Variants in MCM2 observed in about 807,000 individuals in gnomAD.
MCM2 encodes minichromosome maintenance complex component 2.
MCM2 carries 49 observed loss-of-function variants against 86.4 expected under a neutral mutation model. That is an observed-to-expected ratio of 0.57 (90% CI 0.45 to 0.72). The LOEUF is 0.72. Ranked by LOEUF, MCM2 falls within the 30% of genes least tolerant of loss-of-function variation. MCM2 has a pLI of 0.00. For missense variants in MCM2, 1,038 were observed against 1,259.9 expected, an observed-to-expected ratio of 0.82 and a Z score of 2.67; for synonymous variants, 475 against 484.6, an observed-to-expected ratio of 0.98 and a Z score of 0.26.
Position 127,606,452 on chromosome 3 carries a change from C to A in MCM2, c.893+115C>A. 1 of 1,210,344 alleles carries A rather than the reference C, an allele frequency of 8.3e-7. No individual in the cohort carries two copies. The highest frequency in any genetic ancestry group is 1.2e-6 in the Non-Finnish European group (1 of 848,820). The allele number at this position is 1,210,344 out of a possible 1,614,324, so 75.0% of individuals were successfully genotyped here. On this transcript the variant is annotated intron_variant, in intron 5 of 15. Coordinates refer to ENST00000265056, the MANE Select transcript of MCM2 (RefSeq NM_004526.4). This position sits in a 1 kb window ranked among gnomAD's most constrained non-coding sequence, Gnocchi z 4.2. ...GGGAGGGTGCAGCCAGCAGCATCCT[C>A]ATCGCAGGTGAGTTGTGGTTGCACA...
rs748361361 is a variant in MCM2 at position 127,617,371 on chromosome 3, T to C, written c.1866T>C (p.Ala622=). Residue 622 remains alanine, a synonymous_variant, in exon 11 of 16, where the codon GCT becomes GCC. Transcript: ENST00000265056. The surrounding 1 kb of genome is among the most constrained non-coding windows in gnomAD (Gnocchi z 4.1). ...CTGGCATCGTCACCTCCCTGCAGGC[T>C]CGCTGCACGGTCATTGCTGCCGCCA... The part of the protein sequence containing the change: ...SKAGIVTSLQ[A]RCTVIAAANP... 32 of 1,613,854 alleles carry C rather than the reference T, an allele frequency of 2.0e-5. No individual in the cohort carries two copies. In the South Asian group the frequency reaches 2.9e-4, roughly 14 times the overall value.
chr3:127,614,309 G>C (rs1442143509), intron 8 of MCM2, among the ~76,000 whole-genome samples: 1 of 151,856 alleles, frequency 6.6e-6, no homozygotes, highest in Non-Finnish European at 1.5e-5. Flanking sequence ...CACTTTAAGA[G>C]GTGATTAACA....
chr3:127,599,183 G>A, intron 1 of MCM2, 135 bp from the exon 2 acceptor site: 1 of 738,386 alleles, frequency 1.4e-6, no homozygotes, highest in Non-Finnish European at 2.4e-6. Flanking sequence ...TCTGGAGGCT[G>A]GAAGGGGTTT....
chr3:127,600,814 G>T (rs1349666942), intron 2 of MCM2, among the ~76,000 whole-genome samples: 1 of 150,932 alleles, frequency 6.6e-6, no homozygotes, highest in Non-Finnish European at 1.5e-5. Context: ...TTGGCAGGGG[G>T]CTTCTGGGTA....
At position 127,606,526 on chromosome 3, in the gene MCM2, C is replaced by T. The variant is rs1197414369; in HGVS notation, c.894-84C>T. 2.2e-6 allele frequency: 3 copies of T among 1,386,714 alleles called. No individual in the cohort carries two copies. The highest frequency in any genetic ancestry group is 1.4e-5 in the African/African-American group (1 of 70,306). 85.9% of individuals were successfully genotyped at this position (1,386,714 alleles called of 1,614,324 possible). On this transcript the variant is annotated intron_variant, in intron 5 of 15. Coordinates refer to ENST00000265056, the MANE Select transcript of MCM2 (RefSeq NM_004526.4). The surrounding 1 kb of genome is among the most constrained non-coding windows in gnomAD (Gnocchi z 4.2). ...CCGGGCTGGGGGCTGGGCCCAATTT[C>T]CAGGACAGTGTGTTGGGACACTCTC...
At chr3:127,612,749 G>A (rs1239421118) in intron 8 of MCM2, among the ~76,000 whole-genome samples, 1 of 152,192 alleles carries the variant, frequency 6.6e-6, no homozygotes, top group African/African-American at 2.4e-5. Context: ...CTCTATCCCT[G>A]TTTGCTGGGT....
At chr3:127,615,475 T>C (rs924833081) in intron 8 of MCM2, among the ~76,000 whole-genome samples, 1 of 152,188 alleles carries the variant, frequency 6.6e-6, no homozygotes, top group African/African-American at 2.4e-5. Context: ...TACCCACCCT[T>C]CTGTGAGTTG....
chr3:127,609,837 CTTTTTTTTTTTTTTTT>C (rs10716532), intron 8 of MCM2, among the ~76,000 whole-genome samples: 1 of 69,086 alleles, frequency 1.4e-5, no homozygotes, highest in Non-Finnish European at 2.7e-5. Context: ...AGTCAACTTC[CTTTTTTTTTTTTTTTT>C]TTTTTTTTTT....
chr3:127,600,417 G>C (rs1185862701), intron 2 of MCM2, among the ~76,000 whole-genome samples: 1 of 152,190 alleles, frequency 6.6e-6, no homozygotes, highest in Non-Finnish European at 1.5e-5. Flanking sequence ...AACGTCAGTA[G>C]CGGAATTGTG....
chr3:127,604,479 C>A, intron 2 of MCM2, 129 bp from the exon 3 acceptor site: 1 of 855,240 alleles, frequency 1.2e-6, no homozygotes, highest in Non-Finnish European at 1.9e-6. Flanking sequence ...TGTTTCTGAC[C>A]TGGAAGCGCT....
At position 127,604,735 on chromosome 3, in the gene MCM2, C is replaced by T. The variant is rs747951983; in HGVS notation, c.364C>T (p.Arg122Trp). 6.8e-6 allele frequency: 11 copies of T among 1,609,898 alleles called. No individual in the cohort carries two copies. Among genetic ancestry groups the T allele is most frequent in the Admixed American group, 6.7e-5 (4 of 59,550 alleles). Residue 122 changes from arginine (R) to tryptophan (W), a missense_variant, in exon 3 of 16, where the codon CGG (arginine) becomes TGG (tryptophan). Transcript: ENST00000265056. The stretch of plus-strand genomic sequence containing the variant: ...AGAGCGGGCCATGCGGCAGCGTGAC[C>T]GGGAGGCTGGCCGGGGCCTGGGCCG... ...AAERAMRQRD[R>W]EAGRGLGRMR...
chr3:127,610,048 T>C (rs751914214), intron 8 of MCM2, among the ~76,000 whole-genome samples: 9 of 152,142 alleles, frequency 5.9e-5, no homozygotes, highest in Admixed American at 1.3e-4. Flanking sequence ...TTCACCATGT[T>C]GGCCAGGCTG....
chr3:127,608,438 G>A lies in MCM2; in HGVS notation c.1158G>A (p.Ala386=), dbSNP rs149877642. The stretch of plus-strand genomic sequence containing the variant: ...TCCAGGAGAGTCCAGGCAAAGTGGC[G>A]GCTGGCCGGCTGCCCCGCTCCAAGG... The part of the protein sequence containing the change: ...IRIQESPGKV[A]AGRLPRSKDA... Residue 386 remains alanine (A), a synonymous_variant, in exon 7 of 16, where the codon GCG becomes GCA. Transcript: ENST00000265056. The A allele has an allele frequency of 8.1e-6, 13 of 1,614,198 alleles. No homozygotes were observed. The highest frequency in any genetic ancestry group is 1.6e-4 in the Middle Eastern group (1 of 6,062).
rs768283316 is a variant in MCM2 at position 127,599,566 on chromosome 3, C to G, written c.236+19C>G. On this transcript the variant is annotated intron_variant, in intron 2 of 15. Coordinates refer to ENST00000265056, the MANE Select transcript of MCM2 (RefSeq NM_004526.4). Reference sequence around the variant, plus strand: ...TGGAAAGGTAATTTCATTCAAGGCCCTGGACTCAGCAGATAGTTTTGCAGA... The same window carrying G: ...TGGAAAGGTAATTTCATTCAAGGCCGTGGACTCAGCAGATAGTTTTGCAGA... 1 of 1,595,598 alleles carries G rather than the reference C, an allele frequency of 6.3e-7. No homozygotes were observed. Among genetic ancestry groups the G allele is most frequent in the South Asian group, 1.1e-5 (1 of 89,376 alleles).
At position 127,618,032 on chromosome 3, in the gene MCM2, C is replaced by CA; in HGVS notation, c.1965dup (p.Arg656ThrfsTer3). The CA allele has an allele frequency of 6.2e-7, 1 of 1,614,130 alleles. No individual in the cohort carries two copies. Among genetic ancestry groups the CA allele is most frequent in the Non-Finnish European group, 8.5e-7 (1 of 1,180,016 alleles). ...GTGGACCTCACAGAGCCCATCATCTCACGCTTTGACATCCTGTGTGTGGTG... is the reference window on the plus strand; with the variant it reads ...GTGGACCTCACAGAGCCCATCATCTCAACGCTTTGACATCCTGTGTGTGGTG... On this transcript the variant is annotated frameshift_variant, in exon 12 of 16. Coordinates refer to ENST00000265056, the MANE Select transcript of MCM2 (RefSeq NM_004526.4). LOFTEE classifies it high-confidence loss of function. The surrounding 1 kb of genome is among the most constrained non-coding windows in gnomAD (Gnocchi z 4.0).
Position 127,599,299 on chromosome 3 carries a change from A to G in MCM2, c.7-19A>G. 1 of 1,611,928 alleles carries G rather than the reference A, an allele frequency of 6.2e-7. No homozygotes were observed. Among genetic ancestry groups the G allele is most frequent in the African/African-American group, 1.3e-5 (1 of 74,996 alleles). On this transcript the variant is annotated intron_variant, in intron 1 of 15. Transcript: ENST00000265056. ...TCACCAGCTTCCTAGGTTTCTGACAACCGCACCTTCTCTTGCAGGAATCAT... is the reference window on the plus strand; with the variant it reads ...TCACCAGCTTCCTAGGTTTCTGACAGCCGCACCTTCTCTTGCAGGAATCAT...
chr3:127,615,065 C>T (rs2074423486), intron 8 of MCM2, among the ~76,000 whole-genome samples: 1 of 152,176 alleles, frequency 6.6e-6, no homozygotes, highest in South Asian at 2.1e-4. Context: ...GGGTGTCTCC[C>T]CTCCACCTTC....
Position 127,617,993 on chromosome 3 carries a change from C to T in MCM2, c.1925C>T (p.Thr642Ile). The T allele has an allele frequency of 6.2e-7, 1 of 1,614,070 alleles. No homozygotes were observed. Among genetic ancestry groups the T allele is most frequent in the African/African-American group, 1.3e-5 (1 of 75,028 alleles). Reference sequence around the variant, plus strand: ...GGAGGGCGCTACGACCCCTCGCTGACTTTCTCTGAGAACGTGGACCTCACA... The same window carrying T: ...GGAGGGCGCTACGACCCCTCGCTGATTTTCTCTGAGAACGTGGACCTCACA... ...PIGGRYDPSL[T>I]FSENVDLTEP... The change falls in exon 12 of 16, where the codon ACT becomes ATT. Residue 642 changes from threonine (T) to isoleucine (I), a missense_variant. Around this residue, in one of 4 missense-constraint regions of MCM2, gnomAD observed 336 missense variants for 425.7 expected, o/e 0.79. Transcript: ENST00000265056. This position sits in a 1 kb window ranked among gnomAD's most constrained non-coding sequence, Gnocchi z 4.1.
chr3:127,619,992 A>T (rs560186290), intron 13 of MCM2, among the ~76,000 whole-genome samples: 109 of 152,342 alleles, frequency 7.2e-4, no homozygotes, highest in African/African-American at 1.4e-3. Flanking sequence ...TCAAAAAAAA[A>T]ATATTTTTTT....
Sources: gnomAD v4.1 joint callset for allele counts (sites outside exome capture counted in the v4.1 genomes callset) on GRCh38, gnomAD v4.1.1 for gene constraint, gnomAD v4.1.1 regional missense constraint, Gnocchi (gnomAD v3.1) non-coding constraint, MANE v1.5 for transcripts, NCBI Gene and HGNC (gene_info 2026-07-23, HGNC 2026-07-21) for gene names.